Variants in SLC9A9 observed in about 807,000 individuals in gnomAD.
SLC9A9 encodes sodium/hydrogen exchanger 9.
Under a neutral mutation model 77.8 loss-of-function variants are expected in SLC9A9, and 62 were observed. The ratio of observed to expected loss-of-function variants is 0.80; its 90% confidence interval spans 0.65 to 0.98. The LOEUF is 0.98. Ranked by LOEUF, SLC9A9 falls within the 50% of genes least tolerant of loss-of-function variation. SLC9A9 has a pLI of 0.00. For missense variants in SLC9A9, 775 were observed against 774.9 expected, an observed-to-expected ratio of 1.00 and a Z score of 0.00; for synonymous variants, 320 against 283.5, an observed-to-expected ratio of 1.13 and a Z score of -1.29.
chr3:143,748,541 T>C (rs990494987), intron 4 of SLC9A9, among the ~76,000 whole-genome samples: 5 of 152,074 alleles, frequency 3.3e-5, no homozygotes, highest in African/African-American at 9.7e-5. Context: ...CCAGCAAATA[T>C]CCTCTACTAC....
chr3:143,449,659 A>T (rs553381653), intron 12 of SLC9A9, among the ~76,000 whole-genome samples: 1 of 25,162 alleles, frequency 4.0e-5, no homozygotes, highest in Non-Finnish European at 6.1e-5. Flanking sequence ...AATTATATAA[A>T]ATATAATTAT....
chr3:143,610,678 T>C (rs537183654), intron 6 of SLC9A9, among the ~76,000 whole-genome samples: 57 of 152,268 alleles, frequency 3.7e-4, no homozygotes, highest in African/African-American at 1.3e-3. Flanking sequence ...GTGAAATCCA[T>C]AGAACGAACT....
At chr3:143,545,494 C>T (rs2036772022) in intron 9 of SLC9A9, among the ~76,000 whole-genome samples, 1 of 152,232 alleles carries the variant, frequency 6.6e-6, no homozygotes, top group African/African-American at 2.4e-5. Flanking sequence ...CCCTGGCTTC[C>T]AGCATGGTGC....
At chr3:143,446,998 G>C (rs1342313857) in intron 12 of SLC9A9, among the ~76,000 whole-genome samples, 1 of 152,160 alleles carries the variant, frequency 6.6e-6, no homozygotes, top group African/African-American at 2.4e-5. Context: ...AGACACATGT[G>C]TTGAAAGCCA....
chr3:143,707,677 T>A (rs1900648), intron 4 of SLC9A9, among the ~76,000 whole-genome samples: 78 of 151,998 alleles, frequency 5.1e-4, no homozygotes, highest in African/African-American at 1.6e-3. Flanking sequence ...TTAACTTGGC[T>A]GTAAGAGGAT....
intron 14 of SLC9A9, among the ~76,000 whole-genome samples, chr3:143,323,339 G>A (rs2108447703): frequency 6.6e-6 from 1 of 152,244 alleles, no homozygotes; most frequent in South Asian, 2.1e-4. Context: ...ATGAATGAAT[G>A]GATAAAGTAA....
At chr3:143,324,523 A>C (rs747754868) in intron 14 of SLC9A9, among the ~76,000 whole-genome samples, 1 of 152,240 alleles carries the variant, frequency 6.6e-6, no homozygotes, top group Non-Finnish European at 1.5e-5. Context: ...GTGGATGCTC[A>C]GTAAATAGTA....
intron 14 of SLC9A9, among the ~76,000 whole-genome samples, chr3:143,345,188 T>C (rs1053500427): frequency 2.0e-5 from 3 of 152,244 alleles, no homozygotes; most frequent in Admixed American, 6.5e-5. Flanking sequence ...AATTTGAGTA[T>C]AAATTCGTTT....
At chr3:143,742,708 C>G (rs1480935223) in intron 4 of SLC9A9, among the ~76,000 whole-genome samples, 1 of 152,052 alleles carries the variant, frequency 6.6e-6, no homozygotes. Flanking sequence ...AATAAACTAT[C>G]AATTAATAAT....
intron 5 of SLC9A9, among the ~76,000 whole-genome samples, chr3:143,672,371 A>C (rs1360647850): frequency 1.3e-5 from 2 of 152,232 alleles, no homozygotes; most frequent in African/African-American, 4.8e-5. Context: ...TGATCCAAAC[A>C]AAAGAAATCA....
intron 14 of SLC9A9, among the ~76,000 whole-genome samples, chr3:143,360,395 A>C (rs563941814): frequency 6.6e-6 from 1 of 152,316 alleles, no homozygotes; most frequent in South Asian, 2.1e-4. Context: ...AATGAACCTT[A>C]ATTAATCATC....
chr3:143,414,251 ATGTC>A (rs1343096678), intron 12 of SLC9A9, among the ~76,000 whole-genome samples: 4 of 152,152 alleles, frequency 2.6e-5, no homozygotes, highest in Admixed American at 6.5e-5. Flanking sequence ...TTATGTGTGT[ATGTC>A]TATGTATCTG....
At chr3:143,408,136 G>A (rs769237967) in intron 12 of SLC9A9, among the ~76,000 whole-genome samples, 7 of 152,132 alleles carry the variant, frequency 4.6e-5, no homozygotes, top group Non-Finnish European at 8.8e-5. Context: ...CAATGTTTAT[G>A]CTTTCATTTA....
chr3:143,496,880 T>C (rs2035843876), intron 9 of SLC9A9, among the ~76,000 whole-genome samples: 1 of 152,156 alleles, frequency 6.6e-6, no homozygotes, highest in African/African-American at 2.4e-5. Context: ...GGCTGGGAAA[T>C]CCAAAATCAA....
In SLC9A9 at chr3:143,449,702, T is replaced by A. The variant is rs867724289; in HGVS notation, c.1469+17335A>T. ...AATTATATAAAATATAATTATATTA[T>A]ATAATTATATAAAATATAATTATAT... is the stretch of plus-strand genomic sequence containing the variant. On this transcript the variant is annotated intron_variant, in intron 12 of 15. Transcript: ENST00000316549. 7.9e-4 allele frequency among the ~76,000 whole-genome samples: 66 copies of A among 83,100 alleles called. 21 individuals are homozygous for A. The highest frequency in any genetic ancestry group is 3.0e-3 in the African/African-American group (55 of 18,524). 54.5% of individuals were successfully genotyped at this position (83,100 alleles called of 152,430 possible).
chr3:143,516,955 T>A (rs556823466), intron 9 of SLC9A9, among the ~76,000 whole-genome samples: 3 of 152,218 alleles, frequency 2.0e-5, no homozygotes, highest in African/African-American at 7.2e-5. Flanking sequence ...TTCAGTCCTA[T>A]GAATATTATC....
At chr3:143,456,576 T>G (rs1475387955) in intron 12 of SLC9A9, among the ~76,000 whole-genome samples, 2 of 151,848 alleles carry the variant, frequency 1.3e-5, no homozygotes, top group African/African-American at 2.4e-5. Context: ...TTCTTTTTTT[T>G]TTTTTTGAGA....
At chr3:143,551,000 T>C (rs1248399360) in intron 9 of SLC9A9, among the ~76,000 whole-genome samples, 1 of 152,174 alleles carries the variant, frequency 6.6e-6, no homozygotes, top group Non-Finnish European at 1.5e-5. Context: ...TCATTGTAAA[T>C]GTAATCAGCT....
intron 4 of SLC9A9, among the ~76,000 whole-genome samples, chr3:143,777,043 T>C (rs1187810515): frequency 6.6e-6 from 1 of 152,144 alleles, no homozygotes; most frequent in East Asian, 1.9e-4. Flanking sequence ...ATTTGGATCT[T>C]AGGGAGAACA....
Sources: allele counts gnomAD v4.1 joint callset (sites outside exome capture counted in the v4.1 genomes callset), GRCh38; gene constraint gnomAD v4.1.1; transcripts MANE v1.5; gene names NCBI Gene and HGNC (gene_info 2026-07-23, HGNC 2026-07-21).